KIZ: variants seen among roughly 807,000 people sequenced by gnomAD.
KIZ encodes kizuna centrosomal protein.
In KIZ, 68 loss-of-function variants were observed where a neutral mutation model predicts 79.6. The observed-to-expected ratio is 0.85, with a 90% CI of 0.70 to 1.05. The LOEUF (loss-of-function observed/expected upper bound fraction) is 1.05. KIZ is among the 50% of genes least tolerant of loss of function. KIZ has a pLI of 0.00. For missense variants in KIZ, 797 were observed against 800.4 expected (o/e 1.00, Z 0.05); for synonymous variants, 280 against 281.8 (o/e 0.99, Z 0.06).
Position 21,159,148 on chromosome 20 carries a change from C to T in KIZ, c.406-2723C>T, listed in dbSNP as rs2033535552. 2.0e-5 allele frequency among the ~76,000 whole-genome samples: 3 copies of T among 151,674 alleles called. No homozygotes were observed. The South Asian group carries it at 6.2e-4, about 31-fold the overall frequency. ...TCAGCCCCCTGAGTAGCTGGGATTA[C>T]AGGTGCCCAAATATTTTTTAATTAA... is the stretch of plus-strand genomic sequence containing the variant. On this transcript the variant is annotated intron_variant, in intron 4 of 12. Transcript: ENST00000619189.
intron 3 of KIZ, among the ~76,000 whole-genome samples, chr20:21,138,562 G>A (rs895705779): frequency 6.6e-6 from 1 of 152,084 alleles, no homozygotes; most frequent in Non-Finnish European, 1.5e-5. Context: ...TACACCTGAG[G>A]TTATACTTCC....
chr20:21,166,351 G>C, intron 6 of KIZ: 5 of 1,604,504 alleles, frequency 3.1e-6, no homozygotes, highest in Non-Finnish European at 4.2e-6. Context: ...AGGTCTTTGA[G>C]TTGCACGTCA....
chr20:21,243,870 A>T (rs2037302506), intron 11 of KIZ, among the ~76,000 whole-genome samples: 1 of 152,228 alleles, frequency 6.6e-6, no homozygotes, highest in African/African-American at 2.4e-5. Flanking sequence ...GCCTGAAAGC[A>T]CTGAAGTTTG....
chr20:21,244,278 A>T lies in KIZ; in HGVS notation c.1914A>T (p.Leu638Phe). The T allele has an allele frequency of 6.3e-7, 1 of 1,599,014 alleles. No homozygotes were observed. Among genetic ancestry groups the T allele is most frequent in the Non-Finnish European group, 8.6e-7 (1 of 1,166,764 alleles). The change falls in exon 12 of 13, where the codon TTA (leucine) becomes TTT (phenylalanine). Residue 638 changes from leucine (L) to phenylalanine (F), a missense_variant. By Grantham distance (22) the Leu-to-Phe change is conservative. Coordinates refer to ENST00000619189, the MANE Select transcript of KIZ (RefSeq NM_018474.6). ...ACAAAAAGAAACCCGTGATCAATTTAAAATCTAATGGTGAGAGAGATAATC... is the reference window on the plus strand; with the variant it reads ...ACAAAAAGAAACCCGTGATCAATTTTAAATCTAATGGTGAGAGAGATAATC... ...HENKKKPVIN[L>F]KSNALWDESD...
At chr20:21,139,487 G>A (rs2051573955) in intron 3 of KIZ, among the ~76,000 whole-genome samples, 1 of 152,124 alleles carries the variant, frequency 6.6e-6, no homozygotes. Flanking sequence ...TATCAATGTT[G>A]TAAACCACTT....
intron 4 of KIZ, among the ~76,000 whole-genome samples, chr20:21,154,467 A>T (rs2033276298): frequency 6.6e-6 from 1 of 152,168 alleles, no homozygotes; most frequent in Non-Finnish European, 1.5e-5. Context: ...GTGCTTTGCT[A>T]TTGCTTCCCA....
chr20:21,208,945 AT>A (rs1334003158), intron 7 of KIZ, among the ~76,000 whole-genome samples: 2 of 152,174 alleles, frequency 1.3e-5, no homozygotes, highest in Non-Finnish European at 2.9e-5. Flanking sequence ...CATTTGGTAA[AT>A]ACTACGGGTT....
At chr20:21,183,928 A>G (rs1408043776) in intron 6 of KIZ, among the ~76,000 whole-genome samples, 1 of 152,156 alleles carries the variant, frequency 6.6e-6, no homozygotes, top group African/African-American at 2.4e-5. Context: ...GGCATGCTGA[A>G]TCAGAGGCTG....
At chr20:21,188,026 C>T (rs918810301) in intron 6 of KIZ, among the ~76,000 whole-genome samples, 5 of 152,204 alleles carry the variant, frequency 3.3e-5, no homozygotes, top group Non-Finnish European at 7.3e-5. Flanking sequence ...ACCTCAGCCT[C>T]ATTTTCTCAG....
rs554550645 is a variant in KIZ, at chr20:21,160,494, G to C, written c.406-1377G>C. 2.6e-5 allele frequency among the ~76,000 whole-genome samples: 4 copies of C among 152,138 alleles called. No individual in the cohort carries two copies. In the South Asian group the frequency reaches 8.3e-4, roughly 32 times the overall value. ...GTCCCTTTTCTCTCTCTCTCTGCCT[G>C]CGCTCCCTGATGTTTGTGTGTGTGG... On this transcript the variant is annotated intron_variant, in intron 4 of 12. Transcript: ENST00000619189.
intron 7 of KIZ, among the ~76,000 whole-genome samples, chr20:21,210,590 T>C (rs1454973371): frequency 6.6e-6 from 1 of 152,216 alleles, no homozygotes; most frequent in Non-Finnish European, 1.5e-5. Context: ...ATATCTGTAA[T>C]ATTTTCTTAG....
chr20:21,244,720 C>G (rs952114014), intron 12 of KIZ: 28 of 164,238 alleles, frequency 1.7e-4, no homozygotes, highest in Non-Finnish European at 1.4e-4. Flanking sequence ...AGCTCCTCCA[C>G]CTGGCCACCA....
At chr20:21,239,911 C>G (rs2037158097) in intron 11 of KIZ, among the ~76,000 whole-genome samples, 1 of 152,120 alleles carries the variant, frequency 6.6e-6, no homozygotes, top group South Asian at 2.1e-4. Flanking sequence ...AATTTATAAG[C>G]AGTTACCAAA....
chr20:21,244,149 G>A, intron 11 of KIZ, 96 bp from the exon 12 acceptor site: 1 of 845,708 alleles, frequency 1.2e-6, no homozygotes, highest in Non-Finnish European at 2.0e-6. Flanking sequence ...GGCCTCCAGT[G>A]AATCAAAGTG....
chr20:21,137,799 C>T (rs2032283579), intron 3 of KIZ, among the ~76,000 whole-genome samples: 1 of 152,110 alleles, frequency 6.6e-6, no homozygotes. Context: ...CTTTTTGAGA[C>T]AGGGCCTTAC....
At chr20:21,140,024 C>T (rs1373662705) in intron 3 of KIZ, among the ~76,000 whole-genome samples, 1 of 152,164 alleles carries the variant, frequency 6.6e-6, no homozygotes, top group Non-Finnish European at 1.5e-5. Flanking sequence ...CGAACCCAGA[C>T]AGCAATGTCA....
At chr20:21,182,334 A>G (rs1160927485) in intron 6 of KIZ, among the ~76,000 whole-genome samples, 1 of 152,194 alleles carries the variant, frequency 6.6e-6, no homozygotes, top group Admixed American at 6.5e-5. Context: ...GCTTCCAAAG[A>G]CAGAAAGAGA....
At chr20:21,144,831 T>C (rs1401284428) in intron 3 of KIZ, among the ~76,000 whole-genome samples, 1 of 152,200 alleles carries the variant, frequency 6.6e-6, no homozygotes, top group Non-Finnish European at 1.5e-5. Flanking sequence ...CTGATACTTA[T>C]CTTTGATGGA....
intron 4 of KIZ, chr20:21,150,904 T>G (rs904562508): frequency 3.3e-5 from 5 of 152,186 alleles, no homozygotes; most frequent in Non-Finnish European, 5.9e-5. Flanking sequence ...CCATTTCATG[T>G]GGTGTTCGAG....
Sources: allele counts gnomAD v4.1 joint callset (sites outside exome capture counted in the v4.1 genomes callset), GRCh38; gene constraint gnomAD v4.1.1; transcripts MANE v1.5; gene names NCBI Gene and HGNC (gene_info 2026-07-23, HGNC 2026-07-21).